Variants in BBIP1 observed in about 807,000 individuals in gnomAD.
BBIP1 encodes BBSome-interacting protein 1.
In BBIP1, 6 loss-of-function variants were observed where a neutral mutation model predicts 8.9. The observed-to-expected ratio is 0.67, with a 90% CI of 0.37 to 1.33. The LOEUF (loss-of-function observed/expected upper bound fraction) is 1.33. Ranked by LOEUF, BBIP1 falls within the 40% of genes most tolerant of loss-of-function variation. The pLI, the probability that BBIP1 is intolerant of heterozygous loss-of-function variation, is 0.02. For synonymous variants in BBIP1, 32 were observed against 33.4 expected (o/e 0.96, Z 0.14); for missense variants, 111 against 109.2 (o/e 1.02, Z -0.07).
At chr10:110,916,896 G>A (rs1471138522) in intron 2 of BBIP1, among the ~76,000 whole-genome samples, 5 of 152,180 alleles carry the variant, frequency 3.3e-5, no homozygotes. Context: ...CTGGAGAGGG[G>A]TAAGCATGCT....
At chr10:110,901,664 C>T (rs1442765553) in intron 2 of BBIP1, 52 bp from the exon 3 acceptor site, 12 of 1,320,300 alleles carry the variant, frequency 9.1e-6, no homozygotes, top group African/African-American at 1.5e-5. Flanking sequence ...AGCAGACTGC[C>T]TGAGACATTT....
rs568754448 is a variant in BBIP1 at position 110,916,341 on chromosome 10, C to T, written c.37+1780G>A. Among the ~76,000 whole-genome samples, 3 of 152,222 alleles carry T rather than the reference C, an allele frequency of 2.0e-5. No homozygotes were observed. In the East Asian group the frequency reaches 5.8e-4, roughly 29 times the overall value. The stretch of plus-strand genomic sequence containing the variant: ...TTTCATGATCAAATATAAGTCTAGG[C>T]TAGGAGGAGTATACGACGTTGGCAG... On this transcript the variant is annotated intron_variant, in intron 2 of 3. Coordinates refer to ENST00000448814, the MANE Select transcript of BBIP1 (RefSeq NM_001195305.3).
At chr10:110,918,796 G>A (rs549195841) in intron 1 of BBIP1, 1 of 152,546 alleles carries the variant, frequency 6.6e-6, no homozygotes, top group East Asian at 1.9e-4. Context: ...TGTCCCACAG[G>A]GACCGTCCGG....
rs535870892 is a variant in BBIP1, at chr10:110,899,444, C to T, written c.*916G>A. 2 of 152,108 alleles carry T rather than the reference C, an allele frequency of 1.3e-5. No homozygotes were observed. Among genetic ancestry groups the T allele is most frequent in the Middle Eastern group, 3.2e-3 (1 of 316 alleles). 9.4% of individuals were successfully genotyped at this position (152,108 alleles called of 1,614,324 possible). A position where few individuals can be genotyped will look rare whatever the true frequency, so the allele number is the denominator to read the frequency against. On this transcript the variant is annotated 3_prime_UTR_variant, in exon 4 of 4. Transcript: ENST00000448814. ...AATGCAGTCATTTTATTCTCAAGTG[C>T]TTAAAATTAATGTAATTAAAAGCTT...
intron 3 of BBIP1, 89 bp downstream of exon 3, chr10:110,901,449 G>T: frequency 1.2e-6 from 1 of 859,476 alleles, no homozygotes; most frequent in Non-Finnish European, 1.9e-6. Flanking sequence ...AGCTGCAGAT[G>T]TTTAGCTATT....
At chr10:110,906,601 C>T (rs914352878) in intron 2 of BBIP1, 1 of 152,168 alleles carries the variant, frequency 6.6e-6, no homozygotes, top group Non-Finnish European at 1.5e-5. Flanking sequence ...GCTCTGTTGC[C>T]CAGGCTGGGG....
chr10:110,913,503 C>T (rs1846325587), intron 2 of BBIP1, among the ~76,000 whole-genome samples: 1 of 152,110 alleles, frequency 6.6e-6, no homozygotes, highest in African/African-American at 2.4e-5. Context: ...GCACGTGCTG[C>T]CAAATTGTGT....
intron 2 of BBIP1, chr10:110,903,772 CCT>C (rs1350706588): frequency 6.6e-6 from 1 of 152,122 alleles, no homozygotes; most frequent in Non-Finnish European, 1.5e-5. Flanking sequence ...CTAATATAAA[CCT>C]AGGCTATATG....
At chr10:110,916,710 A>G (rs1279267383) in intron 2 of BBIP1, among the ~76,000 whole-genome samples, 1 of 152,202 alleles carries the variant, frequency 6.6e-6, no homozygotes, top group Non-Finnish European at 1.5e-5. Flanking sequence ...AGGAGTTGAC[A>G]CTCATAAACT....
chr10:110,915,162 T>C (rs1306852617), intron 2 of BBIP1, among the ~76,000 whole-genome samples: 1 of 152,104 alleles, frequency 6.6e-6, no homozygotes, highest in Non-Finnish European at 1.5e-5. Context: ...ACTTTTTCTT[T>C]TTTTGTTTTT....
intron 2 of BBIP1, among the ~76,000 whole-genome samples, chr10:110,913,234 GT>G (rs1414887017): frequency 6.6e-6 from 1 of 152,184 alleles, no homozygotes; most frequent in East Asian, 1.9e-4. Flanking sequence ...TACAAAACAT[GT>G]TTATTATCTG....
chr10:110,910,191 A>T (rs1319862152), intron 2 of BBIP1, among the ~76,000 whole-genome samples: 1 of 152,194 alleles, frequency 6.6e-6, no homozygotes, highest in African/African-American at 2.4e-5. Flanking sequence ...TAGGCAGAGA[A>T]GGAGATGTAT....
At chr10:110,901,302 A>C (rs1265197622) in intron 3 of BBIP1, 2 of 514,864 alleles carry the variant, frequency 3.9e-6, no homozygotes, top group Non-Finnish European at 3.5e-6. Context: ...TCATATTGTA[A>C]TTAGGAATTT....
chr10:110,903,043 T>A (rs1026574995), intron 2 of BBIP1: 2 of 152,108 alleles, frequency 1.3e-5, no homozygotes, highest in Non-Finnish European at 2.9e-5. Context: ...AGTGAAAATA[T>A]TCATTATGAT....
intron 2 of BBIP1, among the ~76,000 whole-genome samples, chr10:110,909,501 G>C (rs1227106823): frequency 6.6e-6 from 1 of 152,198 alleles, no homozygotes; most frequent in African/African-American, 2.4e-5. Context: ...GCCAGAAAAG[G>C]TTGGCTCTTA....
At chr10:110,902,048 G>A (rs1846018076) in intron 2 of BBIP1, 1 of 161,254 alleles carries the variant, frequency 6.2e-6, no homozygotes, top group Non-Finnish European at 1.4e-5. Context: ...GGAACTGGCA[G>A]GCTAACATTT....
intron 2 of BBIP1, chr10:110,910,783 G>C (rs1478453279): frequency 6.6e-6 from 1 of 152,270 alleles, no homozygotes; most frequent in East Asian, 1.9e-4. Context: ...AGAAGGAATA[G>C]TAAAGACCAT....
intron 1 of BBIP1, chr10:110,918,817 G>T (rs991566955): frequency 6.6e-6 from 1 of 152,406 alleles, no homozygotes; most frequent in Non-Finnish European, 1.5e-5. Context: ...CCCGGGTCCG[G>T]CCCACTGGTT....
chr10:110,901,697 A>G, intron 2 of BBIP1, 85 bp from the exon 3 acceptor site: 1 of 1,058,712 alleles, frequency 9.4e-7, no homozygotes, highest in South Asian at 1.4e-5. Flanking sequence ...AAGAAGTAAA[A>G]TCCAAATTCC....
Sources: allele counts gnomAD v4.1 joint callset (sites outside exome capture counted in the v4.1 genomes callset), GRCh38; gene constraint gnomAD v4.1.1; transcripts MANE v1.5; gene names NCBI Gene and HGNC (gene_info 2026-07-23, HGNC 2026-07-21).